Variants in ATG10 observed in about 807,000 individuals in gnomAD.
ATG10 encodes ubiquitin-like-conjugating enzyme ATG10.
A neutral mutation model predicts 32.1 loss-of-function variants in ATG10; 30 were observed. That is an observed-to-expected ratio of 0.94 (90% CI 0.70 to 1.27). The LOEUF (loss-of-function observed/expected upper bound fraction) is 1.27, where lower values mean the gene tolerates loss of function less well. ATG10 is among the 50% of genes most tolerant of loss of function. ATG10 has a pLI of 0.00. For missense variants in ATG10, 233 were observed against 262.3 expected, an observed-to-expected ratio of 0.89 and a Z score of 0.77; for synonymous variants, 87 against 91.5, an observed-to-expected ratio of 0.95 and a Z score of 0.28.
intron 3 of ATG10, among the ~76,000 whole-genome samples, chr5:82,100,303 G>A (rs1184006824): frequency 1.3e-5 from 2 of 152,068 alleles, no homozygotes; most frequent in Non-Finnish European, 2.9e-5. Flanking sequence ...CACCGCACCT[G>A]GCCCAGTGAT....
intron 2 of ATG10, among the ~76,000 whole-genome samples, chr5:82,005,817 A>G (rs764701707): frequency 9.2e-5 from 14 of 152,198 alleles, no homozygotes; most frequent in Non-Finnish European, 1.9e-4. Context: ...TTGAAAACAA[A>G]ATATCCTACT....
chr5:82,002,090 A>G (rs1761866762), intron 2 of ATG10, among the ~76,000 whole-genome samples: 1 of 152,236 alleles, frequency 6.6e-6, no homozygotes, highest in Admixed American at 6.5e-5. Context: ...ACAATGAGAT[A>G]CCATCTCCCA....
At chr5:82,076,566 CAGACAAAA>C (rs758821180) in intron 3 of ATG10, among the ~76,000 whole-genome samples, 16 of 152,042 alleles carry the variant, frequency 1.1e-4, no homozygotes, top group Non-Finnish European at 1.6e-4. Context: ...AGGAGGATCT[CAGACAAAA>C]AGCAAATGTG....
intron 5 of ATG10, among the ~76,000 whole-genome samples, chr5:82,187,487 T>G: frequency 6.9e-6 from 1 of 144,098 alleles, no homozygotes; most frequent in African/African-American, 2.6e-5. Flanking sequence ...CACTCCAGCT[T>G]GGCAGCCTGG....
intron 3 of ATG10, among the ~76,000 whole-genome samples, chr5:82,125,686 A>G (rs370395976): frequency 0.012 from 1,845 of 151,830 alleles, 22 homozygotes; most frequent in African/African-American, 0.015. Flanking sequence ...GCCTTGTAGT[A>G]TAGTTTGAAG....
chr5:82,053,518 A>G (rs904917080), intron 2 of ATG10, among the ~76,000 whole-genome samples: 2 of 152,076 alleles, frequency 1.3e-5, no homozygotes, highest in African/African-American at 4.8e-5. Flanking sequence ...CTGGGTTTTT[A>G]TCATATTAAA....
chr5:82,099,686 G>A (rs1765194460), intron 3 of ATG10, among the ~76,000 whole-genome samples: 1 of 152,084 alleles, frequency 6.6e-6, no homozygotes, highest in African/African-American at 2.4e-5. Flanking sequence ...ATTTAGCATA[G>A]TATTACACTT....
chr5:82,217,157 C>T (rs1745720846), intron 5 of ATG10, among the ~76,000 whole-genome samples: 1 of 152,074 alleles, frequency 6.6e-6, no homozygotes, highest in Non-Finnish European at 1.5e-5. Context: ...AATGCTTAGG[C>T]CTATAGTAAA....
chr5:82,061,586 A>G (rs6887675), intron 3 of ATG10, among the ~76,000 whole-genome samples: 2,569 of 151,586 alleles, frequency 0.017, 76 homozygotes, highest in African/African-American at 0.058. Flanking sequence ...TCACTTAACA[A>G]ATCAGATGCC....
intron 2 of ATG10, among the ~76,000 whole-genome samples, chr5:82,004,396 C>T (rs1228265196): frequency 3.9e-5 from 6 of 152,104 alleles, no homozygotes; most frequent in Admixed American, 3.3e-4. Flanking sequence ...TTTGCGTCCC[C>T]GAAGTTGAAT....
intron 2 of ATG10, among the ~76,000 whole-genome samples, chr5:82,008,641 T>A (rs1028855699): frequency 6.6e-6 from 1 of 152,194 alleles, no homozygotes; most frequent in African/African-American, 2.4e-5. Flanking sequence ...TGGTTAACAG[T>A]GATGTTTTAG....
intron 5 of ATG10, among the ~76,000 whole-genome samples, chr5:82,184,813 A>T (rs1476001202): frequency 1.3e-5 from 2 of 152,180 alleles, no homozygotes; most frequent in Non-Finnish European, 2.9e-5. Context: ...GACCCCAGGC[A>T]CCATGCCTAC....
chr5:82,119,903 GACAAA>G (rs754446225), intron 3 of ATG10, among the ~76,000 whole-genome samples: 2 of 152,032 alleles, frequency 1.3e-5, no homozygotes, highest in Non-Finnish European at 2.9e-5. Flanking sequence ...CTAAAAAAGA[GACAAA>G]ACAACAACAA....
At chr5:82,104,066 A>G (rs1264620791) in intron 3 of ATG10, among the ~76,000 whole-genome samples, 3 of 151,972 alleles carry the variant, frequency 2.0e-5, no homozygotes, top group Admixed American at 2.0e-4. Flanking sequence ...CAAATATACC[A>G]TGTTTTGTTT....
At chr5:82,112,185 C>T (rs191568052) in intron 3 of ATG10, among the ~76,000 whole-genome samples, 189 of 151,952 alleles carry the variant, frequency 1.2e-3, no homozygotes, top group African/African-American at 4.2e-3. Flanking sequence ...TCATTTCTTC[C>T]TTTATAAGTC....
At chr5:82,035,190 G>A (rs905501088) in intron 2 of ATG10, among the ~76,000 whole-genome samples, 3 of 152,184 alleles carry the variant, frequency 2.0e-5, no homozygotes, top group African/African-American at 7.2e-5. Flanking sequence ...GGGATTACAG[G>A]CATGAGCTGC....
intron 2 of ATG10, chr5:82,009,538 T>C (rs1279820736): frequency 1.4e-6 from 2 of 1,398,412 alleles, no homozygotes; most frequent in East Asian, 4.5e-5. Flanking sequence ...GATGGAGGGG[T>C]GCTCTCCTGA....
At chr5:82,112,958 A>G (rs1376748242) in intron 3 of ATG10, among the ~76,000 whole-genome samples, 1 of 151,976 alleles carries the variant, frequency 6.6e-6, no homozygotes, top group Non-Finnish European at 1.5e-5. Context: ...ATTAAAATGT[A>G]CATTTCAAGT....
chr5:82,108,779 C>T (rs1765519557), intron 3 of ATG10, among the ~76,000 whole-genome samples: 1 of 151,952 alleles, frequency 6.6e-6, no homozygotes, highest in African/African-American at 2.4e-5. Context: ...TTGAAGATAG[C>T]TCTCAAATTT....
Sources: allele counts gnomAD v4.1 joint callset (sites outside exome capture counted in the v4.1 genomes callset), GRCh38; gene constraint gnomAD v4.1.1; transcripts MANE v1.5; gene names NCBI Gene and HGNC (gene_info 2026-07-23, HGNC 2026-07-21).